The following PTPRG variants were observed in gnomAD, a reference collection of about 807,000 sequenced individuals.
The protein encoded by PTPRG is protein tyrosine phosphatase receptor type G.
In PTPRG, 102 loss-of-function variants were observed where a neutral mutation model predicts 165.3. The ratio of observed to expected loss-of-function variants is 0.62; its 90% confidence interval spans 0.53 to 0.73. The LOEUF (loss-of-function observed/expected upper bound fraction) is 0.73. PTPRG is among the 30% of genes least tolerant of loss of function. PTPRG has a pLI of 0.00. For synonymous variants in PTPRG, 675 were observed against 669.5 expected (o/e 1.01, Z -0.13); for missense variants, 1,866 against 1,861.4 (o/e 1.00, Z -0.05).
At chr3:62,061,691 C>T (rs1025981018) in intron 4 of PTPRG, among the ~76,000 whole-genome samples, 1 of 151,142 alleles carries the variant, frequency 6.6e-6, no homozygotes, top group Non-Finnish European at 1.5e-5. Context: ...TGTAGTGGTG[C>T]CATCTCAGCT....
chr3:61,609,684 G>A (rs534421117), intron 1 of PTPRG, among the ~76,000 whole-genome samples: 5 of 151,732 alleles, frequency 3.3e-5, no homozygotes, highest in African/African-American at 7.3e-5. Flanking sequence ...CGGCAAAACC[G>A]CCCTCTACAC....
At chr3:62,183,742 G>C (rs988249787) in intron 8 of PTPRG, among the ~76,000 whole-genome samples, 1 of 152,104 alleles carries the variant, frequency 6.6e-6, no homozygotes, top group African/African-American at 2.4e-5. Flanking sequence ...ACCCGAAGGA[G>C]TTGGAGGCTG....
chr3:62,027,019 A>G (rs2041820137), intron 4 of PTPRG, among the ~76,000 whole-genome samples: 1 of 152,034 alleles, frequency 6.6e-6, no homozygotes, highest in African/African-American at 2.4e-5. Flanking sequence ...TGCTCTTCCT[A>G]TTGTTGTTAC....
intron 1 of PTPRG, among the ~76,000 whole-genome samples, chr3:61,585,251 A>G (rs187234924): frequency 1.8e-3 from 265 of 150,056 alleles, no homozygotes; most frequent in African/African-American, 6.2e-3. Flanking sequence ...ACTGCACTCC[A>G]GCCTGGGCAA....
At chr3:61,963,383 A>C (rs545356443) in intron 2 of PTPRG, among the ~76,000 whole-genome samples, 25 of 152,310 alleles carry the variant, frequency 1.6e-4, no homozygotes, top group Admixed American at 6.5e-4. Context: ...GCAGTAAAAG[A>C]TATATATGGC....
chr3:62,112,748 A>G (rs1330755294), intron 5 of PTPRG, among the ~76,000 whole-genome samples: 1 of 152,196 alleles, frequency 6.6e-6, no homozygotes, highest in Non-Finnish European at 1.5e-5. Context: ...TATCAGGGTA[A>G]CACCTGGAAA....
At chr3:62,086,455 G>A (rs1701756390) in intron 5 of PTPRG, among the ~76,000 whole-genome samples, 1 of 152,116 alleles carries the variant, frequency 6.6e-6, no homozygotes. Context: ...TTGAGTTTGT[G>A]TTGGAGAATG....
chr3:61,929,823 T>C (rs995489070), intron 2 of PTPRG, among the ~76,000 whole-genome samples: 29 of 152,208 alleles, frequency 1.9e-4, no homozygotes, highest in African/African-American at 7.0e-4. Context: ...CATTAAGGCT[T>C]TCACATGTGC....
intron 2 of PTPRG, among the ~76,000 whole-genome samples, chr3:61,767,892 C>G (rs1012767275): frequency 8.0e-5 from 12 of 150,508 alleles, no homozygotes; most frequent in African/African-American, 2.9e-4. Flanking sequence ...ATTGCTTGAG[C>G]CTGGGAGGTT....
intron 1 of PTPRG, among the ~76,000 whole-genome samples, chr3:61,700,255 T>C (rs1310533692): frequency 6.6e-6 from 1 of 152,200 alleles, no homozygotes; most frequent in African/African-American, 2.4e-5. Context: ...TGAACCTATA[T>C]ATGTGAGATT....
At chr3:62,144,637 G>A (rs971990439) in intron 6 of PTPRG, among the ~76,000 whole-genome samples, 2 of 152,126 alleles carry the variant, frequency 1.3e-5, no homozygotes. Flanking sequence ...AAGGATCCAG[G>A]AAGGACTGAT....
intron 2 of PTPRG, among the ~76,000 whole-genome samples, chr3:61,796,639 G>T (rs1456943166): frequency 2.6e-5 from 4 of 152,226 alleles, no homozygotes; most frequent in African/African-American, 9.6e-5. Flanking sequence ...CTTTGCCCTT[G>T]TGTGCAGGAT....
intron 7 of PTPRG, among the ~76,000 whole-genome samples, chr3:62,160,776 A>G (rs1344754497): frequency 3.3e-5 from 5 of 151,888 alleles, no homozygotes; most frequent in Admixed American, 6.6e-5. Context: ...CCCCAGCTTG[A>G]ATTTTACTTA....
chr3:62,074,373 T>TTTG (rs397978235), intron 4 of PTPRG, among the ~76,000 whole-genome samples: 2 of 113,140 alleles, frequency 1.8e-5, no homozygotes, highest in African/African-American at 6.3e-5. Flanking sequence ...TTTTTTTTTT[T>TTTG]GAGACAGGAT....
At chr3:62,151,609 A>G (rs1704339900) in intron 6 of PTPRG, among the ~76,000 whole-genome samples, 1 of 151,236 alleles carries the variant, frequency 6.6e-6, no homozygotes, top group African/African-American at 2.4e-5. Flanking sequence ...TTTCTTTTCA[A>G]TTCTTTTATC....
At chr3:62,241,442 C>T (rs2106946690) in intron 14 of PTPRG, among the ~76,000 whole-genome samples, 1 of 152,278 alleles carries the variant, frequency 6.6e-6, no homozygotes, top group South Asian at 2.1e-4. Flanking sequence ...GGTTTCTGAT[C>T]CTTATCCCCA....
At chr3:61,675,692 A>G (rs2107093530) in intron 1 of PTPRG, among the ~76,000 whole-genome samples, 1 of 152,292 alleles carries the variant, frequency 6.6e-6, no homozygotes. Flanking sequence ...AACCAAGGGG[A>G]GAGGTGAGGC....
intron 2 of PTPRG, among the ~76,000 whole-genome samples, chr3:61,757,670 G>T (rs941897981): frequency 1.3e-5 from 2 of 152,152 alleles, no homozygotes; most frequent in Non-Finnish European, 2.9e-5. Context: ...TATTTACTTT[G>T]ACATAGCATA....
At chr3:61,805,646 T>C (rs1013008890) in intron 2 of PTPRG, among the ~76,000 whole-genome samples, 70 of 151,750 alleles carry the variant, frequency 4.6e-4, no homozygotes, top group African/African-American at 1.5e-3. Context: ...CAGAAGGTCA[T>C]GGAGTCTAAG....
Sources: gnomAD v4.1 joint callset for allele counts (sites outside exome capture counted in the v4.1 genomes callset) on GRCh38, gnomAD v4.1.1 for gene constraint, MANE v1.5 for transcripts, NCBI Gene and HGNC (gene_info 2026-07-23, HGNC 2026-07-21) for gene names.